EEFSEC: variants seen among roughly 807,000 people sequenced by gnomAD.
The protein encoded by EEFSEC is eukaryotic elongation factor, selenocysteine-tRNA specific, also known as selenocysteine-specific elongation factor.
In EEFSEC, 43 loss-of-function variants were observed where a neutral mutation model predicts 42.1. The observed-to-expected ratio is 1.02, with a 90% CI of 0.80 to 1.32. The LOEUF (loss-of-function observed/expected upper bound fraction) is 1.32. Ranked by LOEUF, EEFSEC falls within the 40% of genes most tolerant of loss-of-function variation. The pLI, the probability that EEFSEC is intolerant of heterozygous loss-of-function variation, is 0.00. For synonymous variants in EEFSEC, 354 were observed against 339.1 expected (o/e 1.04, Z -0.48); for missense variants, 745 against 803.6 (o/e 0.93, Z 0.88).
intron 1 of EEFSEC, among the ~76,000 whole-genome samples, chr3:128,223,519 A>G (rs1266200216): frequency 1.3e-5 from 2 of 152,192 alleles, no homozygotes; most frequent in Non-Finnish European, 2.9e-5. Context: ...CATTGACTTT[A>G]GGTGGTTTGT....
chr3:128,386,300 A>C (rs989768212), intron 6 of EEFSEC, among the ~76,000 whole-genome samples: 2 of 152,162 alleles, frequency 1.3e-5, no homozygotes, highest in Non-Finnish European at 2.9e-5. Flanking sequence ...GCCATACCCT[A>C]GCAGGCTGCA....
At chr3:128,212,580 G>A (rs1390397226) in intron 1 of EEFSEC, among the ~76,000 whole-genome samples, 4 of 152,186 alleles carry the variant, frequency 2.6e-5, no homozygotes, top group African/African-American at 9.7e-5. Context: ...AACCGAATGA[G>A]CAGTCACATC....
intron 5 of EEFSEC, among the ~76,000 whole-genome samples, chr3:128,347,640 G>T (rs2067328899): frequency 6.6e-6 from 1 of 152,172 alleles, no homozygotes; most frequent in South Asian, 2.1e-4. Context: ...TTAAGTATCA[G>T]TCATTACACT....
At chr3:128,223,405 C>G (rs1341403404) in intron 1 of EEFSEC, among the ~76,000 whole-genome samples, 4 of 152,214 alleles carry the variant, frequency 2.6e-5, no homozygotes, top group Non-Finnish European at 5.9e-5. Context: ...TTGCAGCCAG[C>G]TGGTCAGAAG....
At chr3:128,405,662 C>A (rs568988801) in intron 6 of EEFSEC, among the ~76,000 whole-genome samples, 1 of 152,232 alleles carries the variant, frequency 6.6e-6, no homozygotes, top group Non-Finnish European at 1.5e-5. Context: ...GCTTGATGTG[C>A]GAGCCTTATA....
At chr3:128,280,143 A>G (rs2066510809) in intron 4 of EEFSEC, among the ~76,000 whole-genome samples, 1 of 152,224 alleles carries the variant, frequency 6.6e-6, no homozygotes, top group Admixed American at 6.5e-5. Flanking sequence ...CCCATTATGT[A>G]GGAAAACTGT....
chr3:128,211,109 G>A (rs1168324331), intron 1 of EEFSEC, among the ~76,000 whole-genome samples: 1 of 152,154 alleles, frequency 6.6e-6, no homozygotes, highest in Non-Finnish European at 1.5e-5. Context: ...TATCCATTTT[G>A]CAGAGTGTTT....
At chr3:128,153,854 C>T in intron 1 of EEFSEC, 31 bp downstream of exon 1, 4 of 1,473,608 alleles carry the variant, frequency 2.7e-6, no homozygotes, top group Non-Finnish European at 3.6e-6. Flanking sequence ...GAGCCGGGCT[C>T]AGGGACGCGG....
chr3:128,157,783 G>C (rs979923489), intron 1 of EEFSEC, among the ~76,000 whole-genome samples: 1 of 152,224 alleles, frequency 6.6e-6, no homozygotes, highest in African/African-American at 2.4e-5. Context: ...TGTACAAAGA[G>C]ATTAATTTGT....
At chr3:128,385,064 A>G (rs1048974525) in intron 6 of EEFSEC, among the ~76,000 whole-genome samples, 1 of 152,062 alleles carries the variant, frequency 6.6e-6, no homozygotes, top group Non-Finnish European at 1.5e-5. Flanking sequence ...TTCCTGGCCC[A>G]GGACAAGGAG....
chr3:128,153,636 C>T lies in EEFSEC; in HGVS notation c.129C>T (p.Arg43=). 6.3e-7 allele frequency: 1 copy of T among 1,598,170 alleles called. No individual in the cohort carries two copies. Among genetic ancestry groups the T allele is most frequent in the Non-Finnish European group, 8.5e-7 (1 of 1,177,886 alleles). The change falls in exon 1 of 7, where the codon CGC becomes CGT. Residue 43 remains arginine (R), a synonymous_variant. Transcript: ENST00000254730. ...CCTTTGACAAGCAGCCGCAGAGCCG[C>T]GAGCGCGGCATCACGCTCGATCTGG... is the stretch of plus-strand genomic sequence containing the variant. The part of the protein sequence containing the change: ...TAAFDKQPQS[R]ERGITLDLGF...
chr3:128,245,150 G>T (rs552689129), intron 1 of EEFSEC, among the ~76,000 whole-genome samples: 4 of 152,328 alleles, frequency 2.6e-5, no homozygotes, highest in Non-Finnish European at 4.4e-5. Context: ...TGGGAAGGCT[G>T]TTTGGAGGAT....
intron 5 of EEFSEC, among the ~76,000 whole-genome samples, chr3:128,356,635 G>A (rs2067458304): frequency 1.3e-5 from 2 of 152,196 alleles, no homozygotes; most frequent in African/African-American, 2.4e-5. Context: ...ATGCATTCAT[G>A]TATTTCAGTA....
chr3:128,285,383 G>A (rs1257588312), intron 4 of EEFSEC, among the ~76,000 whole-genome samples: 1 of 152,160 alleles, frequency 6.6e-6, no homozygotes, highest in Non-Finnish European at 1.5e-5. Context: ...CACACTGTGG[G>A]GCTGGAGAAA....
intron 1 of EEFSEC, among the ~76,000 whole-genome samples, chr3:128,169,517 A>C (rs766626029): frequency 6.6e-6 from 1 of 152,204 alleles, no homozygotes; most frequent in Non-Finnish European, 1.5e-5. Flanking sequence ...GCCTGGTCTC[A>C]CTATGGCTAT....
intron 4 of EEFSEC, among the ~76,000 whole-genome samples, chr3:128,313,094 G>C (rs2066907789): frequency 6.6e-6 from 1 of 152,136 alleles, no homozygotes; most frequent in African/African-American, 2.4e-5. Flanking sequence ...GATGACCATG[G>C]GAAGCACCTG....
chr3:128,406,627 A>G (rs1225119339), intron 6 of EEFSEC, among the ~76,000 whole-genome samples: 1 of 152,148 alleles, frequency 6.6e-6, no homozygotes, highest in Non-Finnish European at 1.5e-5. Context: ...ACTGGGCAAC[A>G]TGGCAAAACC....
At chr3:128,302,013 T>A (rs1411252246) in intron 4 of EEFSEC, among the ~76,000 whole-genome samples, 1 of 152,172 alleles carries the variant, frequency 6.6e-6, no homozygotes, top group African/African-American at 2.4e-5. Flanking sequence ...ACTGCTGATT[T>A]TTATCAGGGC....
chr3:128,340,878 T>C (rs1416299116), intron 4 of EEFSEC, among the ~76,000 whole-genome samples: 5 of 151,954 alleles, frequency 3.3e-5, no homozygotes, highest in Admixed American at 2.0e-4. Context: ...GCTAGCATGA[T>C]TGATGGAAGG....
Sources: allele counts gnomAD v4.1 joint callset (sites outside exome capture counted in the v4.1 genomes callset), GRCh38; gene constraint gnomAD v4.1.1; transcripts MANE v1.5; gene names NCBI Gene and HGNC (gene_info 2026-07-23, HGNC 2026-07-21).